The following KIF20B variants were observed in gnomAD, a reference collection of about 807,000 sequenced individuals.
The protein encoded by KIF20B is kinesin family member 20B, also known as kinesin-like protein KIF20B.
A neutral mutation model predicts 232.5 loss-of-function variants in KIF20B; 188 were observed. The observed-to-expected ratio is 0.81, with a 90% CI of 0.72 to 0.91. The LOEUF is 0.91. KIF20B is among the 40% of genes least tolerant of loss of function. The pLI, the probability that KIF20B is intolerant of heterozygous loss-of-function variation, is 0.00. For missense variants in KIF20B, 2,154 were observed against 2,055.9 expected (o/e 1.05, Z -0.92); for synonymous variants, 712 against 683.0 (o/e 1.04, Z -0.66).
intron 7 of KIF20B, among the ~76,000 whole-genome samples, 190 bp from the exon 8 acceptor site, chr10:89,714,761 ATAAG>A (rs1457379250): frequency 1.3e-5 from 2 of 152,228 alleles, no homozygotes. Flanking sequence ...GAAAGGAATT[ATAAG>A]AAGTTGTCTA....
intron 18 of KIF20B, among the ~76,000 whole-genome samples, chr10:89,730,330 A>G (rs10881645): frequency 0.49 from 74,537 of 151,932 alleles, 18,648 homozygotes; most frequent in South Asian, 0.62. Flanking sequence ...GGAGTGTCCA[A>G]CGTGTGCCAG....
chr10:89,738,483 C>T lies in KIF20B; in HGVS notation c.3642C>T (p.Asn1214=). Residue 1214 remains asparagine (N), a synonymous_variant, in exon 20 of 33, where the codon AAC becomes AAT. Transcript: ENST00000371728. ...FQEHLQDSVK[N]TKDLNVKELK... ...AACATCTTCAGGATTCTGTCAAAAA[C>T]ACCAAAGATTTAAATGTAAAGGAAC... 2 of 1,605,552 alleles carry T rather than the reference C, an allele frequency of 1.2e-6. No homozygotes were observed. The highest frequency in any genetic ancestry group is 1.7e-6 in the Non-Finnish European group (2 of 1,176,794).
chr10:89,772,631 A>G, intron 31 of KIF20B, 58 bp from the exon 32 acceptor site: 1 of 1,119,854 alleles, frequency 8.9e-7, no homozygotes, highest in Non-Finnish European at 1.3e-6. Flanking sequence ...AAGGATTTCA[A>G]ATCACCTTTG....
Position 89,754,552 on chromosome 10 carries a change from A to C in KIF20B, c.4382A>C (p.Lys1461Thr), listed in dbSNP as rs1470146329. The change falls in exon 26 of 33, where the codon AAA becomes ACA. Residue 1461 changes from lysine to threonine, a missense_variant. Physicochemically the swap from Lys to Thr is moderately conservative, Grantham distance 78. Coordinates refer to ENST00000371728, the MANE Select transcript of KIF20B (RefSeq NM_001284259.2). ...CAGAAATATAATGCTGATAGAAAGA[A>C]ATGGTTAGAAGAAAAAATGATGCTT... ...SEQKYNADRK[K>T]WLEEKMMLIT... 6.2e-7 allele frequency: 1 copy of C among 1,601,558 alleles called. No individual in the cohort carries two copies. Among genetic ancestry groups the C allele is most frequent in the South Asian group, 1.1e-5 (1 of 88,608 alleles).
chr10:89,737,543 A>G lies in KIF20B; in HGVS notation c.2702A>G (p.Glu901Gly), dbSNP rs201846033. Residue 901 changes from glutamate (E) to glycine (G), a missense_variant, in exon 20 of 33, where the codon GAA (glutamate) becomes GGA (glycine). Transcript: ENST00000371728. ...ACTATTGAGAATGAACTTAAAAATGAAAAGGAAGAAAAAGCAGAATTAAAT... is the reference window on the plus strand; with the variant it reads ...ACTATTGAGAATGAACTTAAAAATGGAAAGGAAGAAAAAGCAGAATTAAAT... Reference protein sequence around the residue: ...LLTIENELKNEKEEKAELNKQ... With the variant: ...LLTIENELKNGKEEKAELNKQ... The G allele has an allele frequency of 1.7e-5, 28 of 1,607,352 alleles. No homozygotes were observed. Among genetic ancestry groups the G allele is most frequent in the Non-Finnish European group, 2.4e-5 (28 of 1,176,934 alleles).
Position 89,717,606 on chromosome 10 carries a change from A to G in KIF20B, c.1155A>G (p.Glu385=). The G allele has an allele frequency of 1.2e-6, 2 of 1,611,456 alleles. No individual in the cohort carries two copies. The highest frequency in any genetic ancestry group is 1.7e-6 in the Non-Finnish European group (2 of 1,178,772). Reference sequence around the variant, plus strand: ...CTTTATGTGATCTTGCTGGTTCAGAACGAACTATGAAGACACAGAATGAAG... The same window carrying G: ...CTTTATGTGATCTTGCTGGTTCAGAGCGAACTATGAAGACACAGAATGAAG... ...ELSLCDLAGS[E]RTMKTQNEGE... Residue 385 remains glutamate, a synonymous_variant, in exon 11 of 33, where the codon GAA becomes GAG. Coordinates refer to ENST00000371728, the MANE Select transcript of KIF20B (RefSeq NM_001284259.2).
Position 89,738,133 on chromosome 10 carries a change from GAAA to G in KIF20B, c.3294_3296del (p.Glu1098_Asn1099delinsAsp), listed in dbSNP as rs760999078. The G allele has an allele frequency of 6.3e-7, 1 of 1,596,034 alleles. No individual in the cohort carries two copies. The highest frequency in any genetic ancestry group is 1.7e-5 in the Admixed American group (1 of 58,900). On this transcript the variant is annotated inframe_deletion, in exon 20 of 33. Transcript: ENST00000371728. ...GGCAGAAGTAAAAGGCTATAAGGATGAAAACAATAGACTAAAGGAGAAGGAGCA... is the reference window on the plus strand; with the variant it reads ...GGCAGAAGTAAAAGGCTATAAGGATGACAATAGACTAAAGGAGAAGGAGCA...
intron 13 of KIF20B, among the ~76,000 whole-genome samples, chr10:89,720,227 A>G (rs1348126855): frequency 2.6e-5 from 4 of 152,312 alleles, no homozygotes; most frequent in Middle Eastern, 3.4e-3. Flanking sequence ...CTAATCTAGC[A>G]CTGACATTTT....
chr10:89,746,034 G>T lies in KIF20B; in HGVS notation c.4096+75G>T, dbSNP rs187188069. On this transcript the variant is annotated intron_variant, in intron 23 of 32. Transcript: ENST00000371728. ...CTCGCAGGGCATGCGATGGGGGTAT[G>T]ACTTGCTTCATTGGTGCCCTGCAGC... 6.9e-5 allele frequency: 74 copies of T among 1,069,950 alleles called. No homozygotes were observed. The African/African-American group carries it at 1.1e-3, about 16-fold the overall frequency. The allele number at this position is 1,069,950 out of a possible 1,614,324, so 66.3% of individuals were successfully genotyped here. A position where few individuals can be genotyped will look rare whatever the true frequency, so the allele number is the denominator to read the frequency against.
At chr10:89,757,315 A>G (rs1304658728) in intron 26 of KIF20B, among the ~76,000 whole-genome samples, 2 of 151,644 alleles carry the variant, frequency 1.3e-5, no homozygotes, top group African/African-American at 4.8e-5. Flanking sequence ...AAGTTCCCTT[A>G]CCTGTTTCTC....
At chr10:89,717,348 A>G (rs556397412) in intron 9 of KIF20B, 76 bp from the exon 10 acceptor site, 37 of 895,368 alleles carry the variant, frequency 4.1e-5, no homozygotes, top group Non-Finnish European at 6.1e-5. Context: ...AATAAGATTG[A>G]TTTGAATACT....
Position 89,729,158 on chromosome 10 carries a change from G to T in KIF20B, c.2302G>T (p.Glu768Ter). The T allele has an allele frequency of 6.9e-7, 1 of 1,445,912 alleles. No individual in the cohort carries two copies. The highest frequency in any genetic ancestry group is 9.3e-7 in the Non-Finnish European group (1 of 1,077,808). 89.6% of individuals were successfully genotyped at this position (1,445,912 alleles called of 1,614,324 possible). Residue 768 changes from glutamate (E) to a stop codon, truncating the protein, a stop_gained, in exon 18 of 33, where the codon GAA (glutamate) becomes TAA (stop). Transcript: ENST00000371728. LOFTEE classifies it high-confidence loss of function. ...AATTACACAGAATCAAAGAATTAAA[G>T]AATTGATAAATATAATTGATCAAAA... ...KIITQNQRIK[E>*]LINIIDQKED...
At chr10:89,769,428 A>G (rs1281224389) in intron 31 of KIF20B, among the ~76,000 whole-genome samples, 2 of 152,048 alleles carry the variant, frequency 1.3e-5, no homozygotes, top group African/African-American at 4.8e-5. Context: ...AAACAAAACA[A>G]AACAGAACAA....
At position 89,750,367 on chromosome 10, in the gene KIF20B, A is replaced by G. The variant is rs142182554; in HGVS notation, c.4097-979A>G. Reference sequence around the variant, plus strand: ...GCTTTTTGAAAGAGATTTATATGATAATATGAAGGTGACTTTAATCCTAGG... The same window carrying G: ...GCTTTTTGAAAGAGATTTATATGATGATATGAAGGTGACTTTAATCCTAGG... On this transcript the variant is annotated intron_variant, in intron 23 of 32. Transcript: ENST00000371728. 8.1e-4 allele frequency among the ~76,000 whole-genome samples: 123 copies of G among 152,286 alleles called. No homozygotes were observed. The East Asian group carries it at 0.021, about 26-fold the overall frequency.
chr10:89,757,040 G>GTATGTATATATATA (rs1554852904), intron 26 of KIF20B, among the ~76,000 whole-genome samples: 12 of 110,748 alleles, frequency 1.1e-4, no homozygotes, highest in Non-Finnish European at 2.2e-4. Context: ...GTGTGTGTGT[G>GTATGTATATATATA]TATATATATA....
chr10:89,702,793 C>A (rs1371864259), intron 1 of KIF20B, among the ~76,000 whole-genome samples: 3 of 147,612 alleles, frequency 2.0e-5, no homozygotes, highest in Non-Finnish European at 3.0e-5. Flanking sequence ...TTCTTTATAA[C>A]CATTATTTTA....
At chr10:89,739,228 A>G in intron 21 of KIF20B, 132 bp downstream of exon 21, 1 of 959,208 alleles carries the variant, frequency 1.0e-6, no homozygotes, top group Non-Finnish European at 1.5e-6. Context: ...AATTACAAGA[A>G]CAGTTACTTC....
intron 29 of KIF20B, among the ~76,000 whole-genome samples, chr10:89,766,724 A>G (rs1842368832): frequency 6.6e-6 from 1 of 152,150 alleles, no homozygotes; most frequent in Non-Finnish European, 1.5e-5. Context: ...AGTATTAACT[A>G]TACTCCTGAG....
chr10:89,739,497 A>G (rs979835966), intron 21 of KIF20B, among the ~76,000 whole-genome samples: 1 of 114,306 alleles, frequency 8.7e-6, no homozygotes, highest in African/African-American at 4.0e-5. Context: ...GATGTATACA[A>G]TGAGAAGGAA....
Sources: gnomAD v4.1 joint callset for allele counts (sites outside exome capture counted in the v4.1 genomes callset) on GRCh38, gnomAD v4.1.1 for gene constraint, MANE v1.5 for transcripts, NCBI Gene and HGNC (gene_info 2026-07-23, HGNC 2026-07-21) for gene names.